The following TBXAS1 variants were observed in gnomAD, a reference collection of about 807,000 sequenced individuals.
TBXAS1 encodes thromboxane A synthase 1, also known as thromboxane-A synthase.
Under a neutral mutation model 60.7 loss-of-function variants are expected in TBXAS1, and 48 were observed. That is an observed-to-expected ratio of 0.79 (90% CI 0.63 to 1.01). The LOEUF (loss-of-function observed/expected upper bound fraction) is 1.01. Among genes scored for constraint, TBXAS1 ranks in the 50% least tolerant of loss-of-function variants. TBXAS1 has a pLI of 0.00. For synonymous variants in TBXAS1, 287 were observed against 269.7 expected (o/e 1.06, Z -0.63); for missense variants, 685 against 686.3 (o/e 1.00, Z 0.02).
intron 2 of TBXAS1, among the ~76,000 whole-genome samples, chr7:139,875,213 T>C (rs993035348): frequency 2.0e-5 from 3 of 152,258 alleles, no homozygotes; most frequent in African/African-American, 7.2e-5. Flanking sequence ...TCAGAATTTG[T>C]GATAATTTTG....
rs577159085 is a variant in TBXAS1, at chr7:139,919,170, A to G, written c.333+7849A>G. ...TTCTTGAGTCTCAGTTGATTATAATATAATGAGGGGACAGTGCCAGGTCTT... is the reference window on the plus strand; with the variant it reads ...TTCTTGAGTCTCAGTTGATTATAATGTAATGAGGGGACAGTGCCAGGTCTT... On this transcript the variant is annotated intron_variant, in intron 4 of 12. Coordinates refer to ENST00000448866, the MANE Select transcript of TBXAS1 (RefSeq NM_001061.7). Among the ~76,000 whole-genome samples the G allele has an allele frequency of 3.9e-5, 6 of 152,298 alleles. No individual in the cohort carries two copies. In the East Asian group the frequency reaches 1.2e-3, roughly 29 times the overall value.
At chr7:139,963,871 G>A (rs1026259850) in intron 9 of TBXAS1, among the ~76,000 whole-genome samples, 2 of 152,256 alleles carry the variant, frequency 1.3e-5, no homozygotes, top group East Asian at 1.9e-4. Flanking sequence ...GCACAGGTCC[G>A]TTTCTCTCTC....
rs149543641 is a variant in TBXAS1, at chr7:139,892,917, T to A, written c.236+17280T>A. On this transcript the variant is annotated intron_variant, in intron 3 of 12. Transcript: ENST00000448866. The stretch of plus-strand genomic sequence containing the variant: ...CCTGGGTAAGGGGAGACAGCACACA[T>A]CATCCAGTCCTCTCCCCTCTTTGGG... Among the ~76,000 whole-genome samples the A allele has an allele frequency of 6.7e-3, 1,023 of 152,244 alleles. 5 individuals are homozygous for A. Among genetic ancestry groups the A allele is most frequent in the Middle Eastern group, 0.017 (5 of 294 alleles).
chr7:139,995,954 G>A (rs770592549), intron 9 of TBXAS1, among the ~76,000 whole-genome samples: 1 of 152,058 alleles, frequency 6.6e-6, no homozygotes, highest in Non-Finnish European at 1.5e-5. Flanking sequence ...CACTGACTTG[G>A]TTTTGGCCTT....
At chr7:139,942,919 C>T (rs1344050745) in intron 5 of TBXAS1, among the ~76,000 whole-genome samples, 2 of 152,144 alleles carry the variant, frequency 1.3e-5, no homozygotes, top group African/African-American at 4.8e-5. Context: ...ACATGTTACT[C>T]GAGAATGACT....
chr7:139,902,262 T>A lies in TBXAS1; in HGVS notation c.237-8963T>A, dbSNP rs570183236. On this transcript the variant is annotated intron_variant, in intron 3 of 12. Transcript: ENST00000448866. ...CTAGAACTACCCCTGTATAGCCACA[T>A]GCACCCATCACCACCCCCATCCCTA... 3.9e-5 allele frequency among the ~76,000 whole-genome samples: 6 copies of A among 152,080 alleles called. No homozygotes were observed. In the South Asian group the frequency reaches 1.2e-3, roughly 32 times the overall value.
chr7:139,857,266 G>T (rs1800645035), intron 1 of TBXAS1, among the ~76,000 whole-genome samples: 1 of 152,112 alleles, frequency 6.6e-6, no homozygotes, highest in African/African-American at 2.4e-5. Context: ...ACAAGAGGCT[G>T]CTTTTTACAT....
At chr7:139,829,171 T>C (rs1357079987), upstream of TBXAS1, 3 of 671,152 alleles carry the variant, frequency 4.5e-6, no homozygotes, top group South Asian at 3.0e-5. Flanking sequence ...AAGTTGCTGA[T>C]TCATTCCTTT....
At chr7:139,834,395 C>T (rs745371489) in intron 1 of TBXAS1, among the ~76,000 whole-genome samples, 7 of 152,062 alleles carry the variant, frequency 4.6e-5, no homozygotes, top group Non-Finnish European at 1.0e-4. Context: ...TAAGGTCACA[C>T]CTCAAGGAAC....
intron 3 of TBXAS1, among the ~76,000 whole-genome samples, chr7:139,888,320 G>A (rs1362432595): frequency 2.0e-5 from 3 of 152,078 alleles, no homozygotes; most frequent in African/African-American, 4.8e-5. Flanking sequence ...TGGCCTTTGT[G>A]TCTCACATAA....
chr7:140,009,103 T>C (rs1362599665), intron 10 of TBXAS1, among the ~76,000 whole-genome samples: 1 of 152,236 alleles, frequency 6.6e-6, no homozygotes, highest in African/African-American at 2.4e-5. Context: ...ACAAAGGGGT[T>C]AGGCTCTTCA....
intron 4 of TBXAS1, among the ~76,000 whole-genome samples, chr7:139,809,148 G>A (rs1797949713): frequency 6.7e-6 from 1 of 149,248 alleles, no homozygotes; most frequent in Admixed American, 6.9e-5. Context: ...ACCAATAGGA[G>A]ATAGGTAGAT....
rs1267995518 is a variant in TBXAS1, at chr7:139,835,748, C to T, written c.89+6269C>T. Among the ~76,000 whole-genome samples the T allele has an allele frequency of 3.3e-5, 5 of 152,116 alleles. No homozygotes were observed. The South Asian group carries it at 1.0e-3, about 32-fold the overall frequency. On this transcript the variant is annotated intron_variant, in intron 1 of 12. Transcript: ENST00000448866. ...AAGGATGTCCACTCTCACCACTCCT[C>T]TTCAACATAGTACTGGAAGTCCTAG...
intron 10 of TBXAS1, among the ~76,000 whole-genome samples, chr7:140,008,323 C>T (rs1814253059): frequency 6.6e-6 from 1 of 152,188 alleles, no homozygotes; most frequent in South Asian, 2.1e-4. Context: ...AGTGTGGAAG[C>T]AGGCCAGTCA....
intron 4 of TBXAS1, among the ~76,000 whole-genome samples, chr7:139,805,660 C>CTCTCTCTTTCTT (rs1554466170): frequency 9.9e-6 from 1 of 101,432 alleles, no homozygotes; most frequent in East Asian, 2.8e-4. Flanking sequence ...CCTTCTTTTT[C>CTCTCTCTTTCTT]TCTTTCTTTC....
intron 3 of TBXAS1, among the ~76,000 whole-genome samples, chr7:139,891,925 G>C (rs1370788601): frequency 6.6e-6 from 1 of 152,156 alleles, no homozygotes; most frequent in Admixed American, 6.5e-5. Flanking sequence ...GATAAGGGGA[G>C]TTTATACTCT....
chr7:139,817,862 A>G (rs966480423), intron 4 of TBXAS1, among the ~76,000 whole-genome samples: 1 of 152,232 alleles, frequency 6.6e-6, no homozygotes, highest in Non-Finnish European at 1.5e-5. Flanking sequence ...ATGGAAACAA[A>G]CCTTAATTTA....
chr7:139,885,579 C>A (rs564462521), intron 3 of TBXAS1, among the ~76,000 whole-genome samples: 1 of 152,168 alleles, frequency 6.6e-6, no homozygotes, highest in Non-Finnish European at 1.5e-5. Context: ...GGGCTCTTCA[C>A]TCTGATTGAG....
intron 4 of TBXAS1, chr7:139,797,604 C>T (rs944547203): frequency 1.3e-5 from 2 of 152,308 alleles, no homozygotes; most frequent in African/African-American, 4.8e-5. Context: ...CCTATTCTGC[C>T]AACATTTCCT....
Sources: allele counts gnomAD v4.1 joint callset (sites outside exome capture counted in the v4.1 genomes callset), GRCh38; gene constraint gnomAD v4.1.1; transcripts MANE v1.5; gene names NCBI Gene and HGNC (gene_info 2026-07-23, HGNC 2026-07-21).